L3MBTL4: variants seen among roughly 807,000 people sequenced by gnomAD.
L3MBTL4 encodes L3MBTL histone methyl-lysine binding protein 4, also known as lethal(3)malignant brain tumor-like protein 4.
A neutral mutation model predicts 84.5 loss-of-function variants in L3MBTL4; 70 were observed. That is an observed-to-expected ratio of 0.83 (90% CI 0.68 to 1.01). The LOEUF (loss-of-function observed/expected upper bound fraction) is 1.01. L3MBTL4 is among the 50% of genes least tolerant of loss of function. The probability of loss-of-function intolerance (pLI) is 0.00; values close to 1 mark genes in which losing one functional copy is unlikely to be tolerated. For synonymous variants in L3MBTL4, 274 were observed against 259.8 expected, an observed-to-expected ratio of 1.05 and a Z score of -0.52; for missense variants, 715 against 754.8, an observed-to-expected ratio of 0.95 and a Z score of 0.62.
chr18:6,375,404 C>T (rs952442246), intron 1 of L3MBTL4, among the ~76,000 whole-genome samples: 7 of 152,036 alleles, frequency 4.6e-5, no homozygotes, highest in Non-Finnish European at 1.0e-4. Context: ...TGACTTTGTG[C>T]GCTCTCTTCT....
chr18:6,009,435 G>A (rs1044353545), intron 16 of L3MBTL4, among the ~76,000 whole-genome samples: 1 of 152,086 alleles, frequency 6.6e-6, no homozygotes, highest in Non-Finnish European at 1.5e-5. Flanking sequence ...TCTCTAACTC[G>A]ACACATTACA....
At chr18:6,216,581 T>A (rs1328104326) in intron 10 of L3MBTL4, among the ~76,000 whole-genome samples, 1 of 152,190 alleles carries the variant, frequency 6.6e-6, no homozygotes. Flanking sequence ...CAGTTTATTT[T>A]ATATTTGTTT....
chr18:6,283,877 C>T lies in L3MBTL4; in HGVS notation c.127+18026G>A, dbSNP rs189730349. On this transcript the variant is annotated intron_variant, in intron 4 of 18. Coordinates refer to ENST00000317931, the MANE Select transcript of L3MBTL4 (RefSeq NM_001330559.2). ...TCTAAGCACACACACTCTACACTTC[C>T]TTTCAAATATAAAAAGAAGTCACTC... Among the ~76,000 whole-genome samples, 1,042 of 152,328 alleles carry T rather than the reference C, an allele frequency of 6.8e-3. 9 individuals are homozygous for T. The highest frequency in any genetic ancestry group is 0.017 in the Middle Eastern group (5 of 294).
At chr18:6,399,905 C>T (rs2055440546) in intron 1 of L3MBTL4, 2 of 151,912 alleles carry the variant, frequency 1.3e-5, no homozygotes, top group Admixed American at 6.6e-5. Context: ...AAAACAAACA[C>T]AGAAATCTTC....
intron 16 of L3MBTL4, among the ~76,000 whole-genome samples, chr18:5,995,918 G>T (rs776246930): frequency 7.2e-5 from 11 of 152,096 alleles, no homozygotes; most frequent in Non-Finnish European, 1.6e-4. Context: ...CAATTTCCAT[G>T]AAAAAAGGGC....
At position 6,171,835 on chromosome 18, in the gene L3MBTL4, C is replaced by A. The variant is rs778250531; in HGVS notation, c.1089G>T (p.Val363=). The A allele has an allele frequency of 7.1e-6, 11 of 1,539,046 alleles. No homozygotes were observed. The highest frequency in any genetic ancestry group is 8.8e-6 in the Non-Finnish European group (10 of 1,136,690). The stretch of plus-strand genomic sequence containing the variant: ...AAAGAGCAAAGTACTCACGCTGTGG[C>A]ACTTCCAGTGGATGCCCTGTGACAT... ...WCDVTGHPLE[V]PQRTNDLKIL... is the part of the protein sequence containing the mutation. The change falls in exon 13 of 19, where the codon GTG becomes GTT. Residue 363 remains valine, a synonymous_variant. Transcript: ENST00000317931.
chr18:5,991,365 A>G (rs2053690287), intron 16 of L3MBTL4, among the ~76,000 whole-genome samples: 2 of 152,202 alleles, frequency 1.3e-5, no homozygotes, highest in Admixed American at 1.3e-4. Flanking sequence ...TAAGCAAATG[A>G]GTCGTTTAGG....
chr18:5,981,499 T>C (rs2053213434), intron 16 of L3MBTL4, among the ~76,000 whole-genome samples: 2 of 152,190 alleles, frequency 1.3e-5, no homozygotes, highest in Non-Finnish European at 1.5e-5. Context: ...CTCTTCGTTA[T>C]GGGATTCAGG....
At chr18:6,319,305 A>G (rs2051283254) in intron 1 of L3MBTL4, among the ~76,000 whole-genome samples, 1 of 152,036 alleles carries the variant, frequency 6.6e-6, no homozygotes, top group Non-Finnish European at 1.5e-5. Flanking sequence ...AACAACAACA[A>G]CAAAAAAGTC....
At chr18:6,191,647 T>A (rs977790530) in intron 12 of L3MBTL4, among the ~76,000 whole-genome samples, 18 of 151,996 alleles carry the variant, frequency 1.2e-4, no homozygotes, top group African/African-American at 4.3e-4. Context: ...ATAAATACAG[T>A]TAGGGAAGAG....
intron 1 of L3MBTL4, among the ~76,000 whole-genome samples, chr18:6,346,772 T>G (rs1160179076): frequency 2.0e-5 from 3 of 152,088 alleles, no homozygotes; most frequent in African/African-American, 4.8e-5. Context: ...GCATGGCTAC[T>G]CCTCAAAATA....
At chr18:5,988,671 A>C (rs570451158) in intron 16 of L3MBTL4, among the ~76,000 whole-genome samples, 112 of 152,230 alleles carry the variant, frequency 7.4e-4, no homozygotes, top group African/African-American at 2.6e-3. Context: ...TGCATTTAAA[A>C]AAATCACTCT....
chr18:6,276,775 AAAAT>A (rs2049098054), intron 4 of L3MBTL4, among the ~76,000 whole-genome samples: 1 of 152,114 alleles, frequency 6.6e-6, no homozygotes, highest in Non-Finnish European at 1.5e-5. Flanking sequence ...GTTAAGAAGA[AAAAT>A]AAAGACAAAG....
chr18:6,079,550 A>G (rs182017783), intron 16 of L3MBTL4, among the ~76,000 whole-genome samples: 2 of 152,340 alleles, frequency 1.3e-5, no homozygotes, highest in East Asian at 1.9e-4. Context: ...ATGCAAATGC[A>G]TTTTGCTATG....
chr18:6,357,658 T>C (rs571197867), intron 1 of L3MBTL4, among the ~76,000 whole-genome samples: 2 of 152,294 alleles, frequency 1.3e-5, no homozygotes, highest in African/African-American at 4.8e-5. Flanking sequence ...TGGGGCCTAA[T>C]TGTCACCATC....
intron 1 of L3MBTL4, among the ~76,000 whole-genome samples, chr18:6,345,421 C>CA (rs1157761659): frequency 1.1e-4 from 17 of 150,126 alleles, no homozygotes; most frequent in Admixed American, 2.0e-4. Context: ...AACAAACAAA[C>CA]AAAAAAAACC....
chr18:6,063,612 T>A (rs749300369), intron 16 of L3MBTL4, among the ~76,000 whole-genome samples: 31 of 151,894 alleles, frequency 2.0e-4, no homozygotes, highest in Non-Finnish European at 3.2e-4. Context: ...TTAGTGATAT[T>A]GAGCATTTTT....
intron 14 of L3MBTL4, among the ~76,000 whole-genome samples, chr18:6,123,540 A>C (rs187189681): frequency 6.6e-6 from 1 of 151,818 alleles, no homozygotes; most frequent in East Asian, 1.9e-4. Flanking sequence ...TGCCTTTGCT[A>C]CTCCTTCGCC....
intron 4 of L3MBTL4, among the ~76,000 whole-genome samples, chr18:6,294,817 C>CT (rs1451065446): frequency 1.3e-5 from 2 of 152,162 alleles, no homozygotes; most frequent in Non-Finnish European, 2.9e-5. Context: ...GTAGGAGAGA[C>CT]TTAGTATTGT....
Sources: allele counts gnomAD v4.1 joint callset (sites outside exome capture counted in the v4.1 genomes callset), GRCh38; gene constraint gnomAD v4.1.1; transcripts MANE v1.5; gene names NCBI Gene and HGNC (gene_info 2026-07-23, HGNC 2026-07-21).